The following SNX29 variants were observed in gnomAD, a reference collection of about 807,000 sequenced individuals.
SNX29 encodes the protein sorting nexin-29.
In SNX29, 78 loss-of-function variants were observed where a neutral mutation model predicts 102.1. The ratio of observed to expected loss-of-function variants is 0.76; its 90% CI spans 0.64 to 0.92. The LOEUF (loss-of-function observed/expected upper bound fraction) is 0.92. Ranked by LOEUF, SNX29 falls within the 40% of genes least tolerant of loss-of-function variation. SNX29 has a pLI of 0.00. For synonymous variants in SNX29, 580 were observed against 414.5 expected, an observed-to-expected ratio of 1.40 and a Z score of -4.85; for missense variants, 1,280 against 1,061.7, an observed-to-expected ratio of 1.21 and a Z score of -2.86.
intron 19 of SNX29, among the ~76,000 whole-genome samples, chr16:12,505,445 C>G (rs147221129): frequency 6.6e-6 from 1 of 152,200 alleles, no homozygotes. Flanking sequence ...GAGTTTATTT[C>G]TAGAATTTCA....
chr16:12,317,652 G>T (rs1314092526), intron 15 of SNX29, among the ~76,000 whole-genome samples: 1 of 152,228 alleles, frequency 6.6e-6, no homozygotes, highest in Non-Finnish European at 1.5e-5. Context: ...ATTAACACCT[G>T]ACATCAGCTT....
At chr16:12,522,532 G>A (rs2090139875) in intron 19 of SNX29, among the ~76,000 whole-genome samples, 1 of 152,130 alleles carries the variant, frequency 6.6e-6, no homozygotes, top group East Asian at 1.9e-4. Context: ...GGGCCTGGTG[G>A]GAGGTGACTG....
intron 3 of SNX29, among the ~76,000 whole-genome samples, chr16:12,003,596 G>T (rs544614954): frequency 2.7e-4 from 41 of 152,332 alleles, no homozygotes; most frequent in Admixed American, 9.8e-4. Context: ...CCTCTGGCCA[G>T]AACACACCGA....
intron 18 of SNX29, among the ~76,000 whole-genome samples, chr16:12,428,421 C>G (rs1351678109): frequency 6.6e-6 from 1 of 152,082 alleles, no homozygotes; most frequent in Non-Finnish European, 1.5e-5. Flanking sequence ...AAATAAATAA[C>G]TTTAAAAAAT....
At chr16:12,483,622 T>G (rs1199932619) in intron 19 of SNX29, among the ~76,000 whole-genome samples, 2 of 152,100 alleles carry the variant, frequency 1.3e-5, no homozygotes, top group African/African-American at 2.4e-5. Context: ...GCCCATTAAC[T>G]TTTATATATC....
In SNX29 at chr16:12,098,468, C is replaced by T. The variant is rs911513881; in HGVS notation, c.1402+19553C>T. On this transcript the variant is annotated intron_variant, in intron 11 of 20. Coordinates refer to ENST00000566228, the MANE Select transcript of SNX29 (RefSeq NM_032167.5). This position sits in a 1 kb window ranked among gnomAD's most constrained non-coding sequence, Gnocchi z 6.0. Reference sequence around the variant, plus strand: ...GAGCTCCCACTTGCAGTGGCCACCGCGTGCCCTTTGATGGGACGTTACATT... The same window carrying T: ...GAGCTCCCACTTGCAGTGGCCACCGTGTGCCCTTTGATGGGACGTTACATT... 2.6e-5 allele frequency among the ~76,000 whole-genome samples: 4 copies of T among 152,176 alleles called. No homozygotes were observed. The highest frequency in any genetic ancestry group is 2.9e-5 in the Non-Finnish European group (2 of 68,030).
chr16:12,561,695 C>T (rs12925835), intron 20 of SNX29, among the ~76,000 whole-genome samples: 2 of 151,994 alleles, frequency 1.3e-5, no homozygotes, highest in Middle Eastern at 3.2e-3. Flanking sequence ...CCCCTTTTCC[C>T]CAACTCCCCA....
intron 11 of SNX29, among the ~76,000 whole-genome samples, chr16:12,105,342 A>G (rs1596899741): frequency 1.3e-5 from 2 of 151,530 alleles, no homozygotes; most frequent in Non-Finnish European, 2.9e-5. Flanking sequence ...CTTGTGCCTC[A>G]GCCACCCGAG....
intron 15 of SNX29, among the ~76,000 whole-genome samples, chr16:12,310,049 TAC>T (rs1435279938): frequency 5.9e-5 from 9 of 152,212 alleles, no homozygotes; most frequent in East Asian, 5.8e-4. Context: ...CACACATATG[TAC>T]ACACACGCAT....
intron 4 of SNX29, among the ~76,000 whole-genome samples, chr16:12,030,105 G>A (rs968949881): frequency 7.9e-5 from 12 of 152,186 alleles, no homozygotes; most frequent in African/African-American, 2.7e-4. Context: ...TGCTTTCTGC[G>A]ATGCCATAGC....
chr16:12,549,364 G>A (rs1051555197), intron 20 of SNX29, among the ~76,000 whole-genome samples: 1 of 152,146 alleles, frequency 6.6e-6, no homozygotes, highest in African/African-American at 2.4e-5. Flanking sequence ...GGGTGGTGGT[G>A]TGCACCTGTA....
intron 3 of SNX29, among the ~76,000 whole-genome samples, chr16:12,020,441 A>G (rs1481230225): frequency 6.6e-6 from 1 of 152,082 alleles, no homozygotes; most frequent in Non-Finnish European, 1.5e-5. Context: ...GCCTCAAGTG[A>G]TCTGCCCACC....
chr16:12,264,534 C>T (rs1373869256), intron 14 of SNX29, among the ~76,000 whole-genome samples: 1 of 152,212 alleles, frequency 6.6e-6, no homozygotes, highest in Non-Finnish European at 1.5e-5. Context: ...GTAATCCCAG[C>T]ACTTTGGGAG....
At chr16:12,548,287 G>A (rs887220339) in intron 20 of SNX29, among the ~76,000 whole-genome samples, 4 of 152,182 alleles carry the variant, frequency 2.6e-5, no homozygotes, top group Non-Finnish European at 4.4e-5. Flanking sequence ...TGGGAAGGCT[G>A]GAAGCTACTG....
At chr16:12,526,875 C>A in intron 20 of SNX29, 1 of 400,812 alleles carries the variant, frequency 2.5e-6, no homozygotes, top group Non-Finnish European at 4.7e-6. Context: ...TAATGCGAGC[C>A]TGTCGGTGTG....
rs74011724 is a variant in SNX29 at position 12,435,059 on chromosome 16, A to G, written c.2037+31530A>G. On this transcript the variant is annotated intron_variant, in intron 18 of 20. Transcript: ENST00000566228. ...TATACCAGGAGCTTGACCTTGGGCC[A>G]GTCTGTCCATCCCCAGGCCCAGGAG... Among the ~76,000 whole-genome samples, 1,476 of 151,914 alleles carry G rather than the reference A, an allele frequency of 9.7e-3. 31 individuals carry two copies. Among genetic ancestry groups the G allele is most frequent in the African/African-American group, 0.034 (1,390 of 41,226 alleles).
intron 20 of SNX29, among the ~76,000 whole-genome samples, chr16:12,530,929 A>T (rs921464707): frequency 1.3e-5 from 2 of 152,122 alleles, no homozygotes; most frequent in African/African-American, 4.8e-5. Flanking sequence ...GCTGTTTCAT[A>T]ATTTATTTCA....
intron 14 of SNX29, among the ~76,000 whole-genome samples, chr16:12,221,873 A>C (rs1191790680): frequency 6.6e-6 from 1 of 152,118 alleles, no homozygotes; most frequent in Non-Finnish European, 1.5e-5. Context: ...TGCACTAAGG[A>C]ACTCCCAAGA....
intron 14 of SNX29, among the ~76,000 whole-genome samples, chr16:12,246,220 G>T (rs541368427): frequency 6.6e-6 from 1 of 152,082 alleles, no homozygotes; most frequent in African/African-American, 2.4e-5. Flanking sequence ...AAGCAAGAGG[G>T]TGCAGCTGAC....
Sources: gnomAD v4.1 joint callset for allele counts (sites outside exome capture counted in the v4.1 genomes callset) on GRCh38, gnomAD v4.1.1 for gene constraint, Gnocchi (gnomAD v3.1) non-coding constraint, MANE v1.5 for transcripts, NCBI Gene and HGNC (gene_info 2026-07-23, HGNC 2026-07-21) for gene names.